The following LMF1 variants were observed in gnomAD, a reference collection of about 807,000 sequenced individuals.
LMF1 encodes lipase maturation factor 1.
Under a neutral mutation model 60.6 loss-of-function variants are expected in LMF1, and 68 were observed. The observed-to-expected ratio is 1.12, with a 90% CI of 0.92 to 1.37. The LOEUF (loss-of-function observed/expected upper bound fraction) is 1.37, where lower values mean the gene tolerates loss of function less well. Among genes scored for constraint, LMF1 ranks in the 40% most tolerant of loss-of-function variants. The pLI is 0.00. For missense variants in LMF1, 948 were observed against 767.2 expected (o/e 1.24, Z -2.78); for synonymous variants, 418 against 324.7 (o/e 1.29, Z -3.09).
chr16:939,643 C>T (rs554238872), intron 2 of LMF1, among the ~76,000 whole-genome samples: 1 of 152,388 alleles, frequency 6.6e-6, no homozygotes, highest in South Asian at 2.1e-4. Context: ...CGGCCTCTGC[C>T]TCTGTCAGGA....
At chr16:911,239 G>A (rs933817426) in intron 3 of LMF1, 160 bp from the exon 4 acceptor site, 3 of 850,988 alleles carry the variant, frequency 3.5e-6, no homozygotes, top group Middle Eastern at 2.3e-4. Flanking sequence ...ACATCGACAC[G>A]CAAGGTCAGG....
At chr16:952,312 C>CT (rs200111186) in intron 2 of LMF1, among the ~76,000 whole-genome samples, 81 of 151,144 alleles carry the variant, frequency 5.4e-4, no homozygotes, top group African/African-American at 1.9e-3. Context: ...GTGGGGACCC[C>CT]CCCCCACAGG....
chr16:944,908 CTT>C (rs1779961581), intron 2 of LMF1, among the ~76,000 whole-genome samples: 1 of 125,890 alleles, frequency 7.9e-6, no homozygotes, highest in Non-Finnish European at 1.6e-5. Context: ...ATACATATCT[CTT>C]GTTAGGTTAA....
chr16:881,891 C>T (rs180980585), intron 5 of LMF1, among the ~76,000 whole-genome samples: 1 of 152,148 alleles, frequency 6.6e-6, no homozygotes, highest in Non-Finnish European at 1.5e-5. Flanking sequence ...GGGCTGCTGA[C>T]GTGTGTCGGC....
intron 10 of LMF1, chr16:855,420 T>G (rs1365408026): frequency 5.7e-6 from 2 of 350,564 alleles, no homozygotes; most frequent in African/African-American, 4.3e-5. Context: ...CAGGCCTGGT[T>G]TAGGCCATAC....
chr16:970,917 AC>A lies in LMF1; in HGVS notation c.63del (p.Tyr22ThrfsTer30). 1 of 1,578,488 alleles carries A rather than the reference AC, an allele frequency of 6.3e-7. No homozygotes were observed. Among genetic ancestry groups the A allele is most frequent in the South Asian group, 1.2e-5 (1 of 86,832 alleles). On this transcript the variant is annotated frameshift_variant, in exon 1 of 11. Transcript: ENST00000262301. LOFTEE classifies it high-confidence loss of function. ...PAESLRRRKT[G>X]YSDPEPESPP... Reference sequence around the variant, plus strand: ...GGCGACTCAGGCTCCGGATCCGAGTACCCAGTCTTCCGCCTCCTCAGCGACT... The same window carrying A: ...GGCGACTCAGGCTCCGGATCCGAGTACCAGTCTTCCGCCTCCTCAGCGACT...
chr16:937,359 G>A lies in LMF1; in HGVS notation c.504-3105C>T, dbSNP rs5015438. On this transcript the variant is annotated intron_variant, in intron 2 of 10. Transcript: ENST00000262301. Reference sequence around the variant, plus strand: ...TTTAAAGAAACTCAAGTCCTTTCCTGGACAGTGGGACGTAGATTTTGCTTT... The same window carrying A: ...TTTAAAGAAACTCAAGTCCTTTCCTAGACAGTGGGACGTAGATTTTGCTTT... Among the ~76,000 whole-genome samples the A allele has an allele frequency of 6.6e-5, 10 of 152,268 alleles. No homozygotes were observed. The South Asian group carries it at 1.0e-3, about 16-fold the overall frequency.
rs1245982517 is a variant in LMF1 at position 897,740 on chromosome 16, T to A, written c.664-4668A>T. Among the ~76,000 whole-genome samples the A allele has an allele frequency of 6.6e-6, 1 of 152,180 alleles. No individual in the cohort carries two copies. Among genetic ancestry groups the A allele is most frequent in the Non-Finnish European group, 1.5e-5 (1 of 68,022 alleles). ...CCGTGGGCAGAGGCACTATGGGGTC[T>A]ATCAAGACCCTCTAGTCTCCATATC... On this transcript the variant is annotated intron_variant, in intron 4 of 10. Transcript: ENST00000262301. This position sits in a 1 kb window ranked among gnomAD's most constrained non-coding sequence, Gnocchi z 4.3.
rs564697770 is a variant in LMF1 at position 874,566 on chromosome 16, G to T, written c.898-3225C>A. ...TGTGCACCTCTCCAGGCAGGCAGCG[G>T]CCCCAGGGCCCCGCGGAACCCTCCG... On this transcript the variant is annotated intron_variant, in intron 6 of 10. Coordinates refer to ENST00000262301, the MANE Select transcript of LMF1 (RefSeq NM_022773.4). This position sits in a 1 kb window ranked among gnomAD's most constrained non-coding sequence, Gnocchi z 4.1. 6.6e-6 allele frequency among the ~76,000 whole-genome samples: 1 copy of T among 152,254 alleles called. No homozygotes were observed. Among genetic ancestry groups the T allele is most frequent in the Non-Finnish European group, 1.5e-5 (1 of 67,996 alleles).
intron 2 of LMF1, among the ~76,000 whole-genome samples, chr16:948,543 CAG>C (rs1439332191): frequency 1.3e-5 from 2 of 149,724 alleles, no homozygotes; most frequent in Non-Finnish European, 3.0e-5. Flanking sequence ...CAGCCAATGA[CAG>C]AGTCAGACAC....
intron 4 of LMF1, among the ~76,000 whole-genome samples, chr16:908,046 C>T (rs1200191966): frequency 1.3e-5 from 2 of 152,228 alleles, no homozygotes; most frequent in African/African-American, 4.8e-5. Context: ...CTCTGCTTCT[C>T]TCCCAGGGCT....
upstream of LMF1, among the ~76,000 whole-genome samples, chr16:975,260 A>G (rs764382205): frequency 1.3e-5 from 2 of 152,174 alleles, no homozygotes; most frequent in African/African-American, 4.8e-5. Flanking sequence ...AGTGGAAAGC[A>G]CAGCTCCCAA....
At chr16:912,013 G>A (rs1052758134) in intron 3 of LMF1, among the ~76,000 whole-genome samples, 1 of 152,162 alleles carries the variant, frequency 6.6e-6, no homozygotes, top group African/African-American at 2.4e-5. Flanking sequence ...GTGGCTGCTG[G>A]AAACTGCCCA....
intron 5 of LMF1, 44 bp from the exon 6 acceptor site, chr16:879,781 G>A (rs1295031965): frequency 1.9e-6 from 3 of 1,539,326 alleles, no homozygotes; most frequent in Non-Finnish European, 2.6e-6. Context: ...CCGATCTCGG[G>A]GGGCGGGGCT....
At chr16:883,265 T>A (rs1167549047) in intron 5 of LMF1, among the ~76,000 whole-genome samples, 1 of 82,270 alleles carries the variant, frequency 1.2e-5, no homozygotes, top group Non-Finnish European at 2.4e-5. Flanking sequence ...CCAGGAGAAA[T>A]AGGAGCTGCT....
At chr16:953,921 A>C (rs112029850) in intron 2 of LMF1, among the ~76,000 whole-genome samples, 230 of 11,472 alleles carry the variant, frequency 0.02, 51 homozygotes, top group African/African-American at 0.096. Context: ...ACCCACCCCA[A>C]ACCAGCTTCC....
intron 2 of LMF1, among the ~76,000 whole-genome samples, chr16:951,959 C>A (rs774582831): frequency 1.4e-4 from 21 of 152,232 alleles, no homozygotes; most frequent in Admixed American, 2.6e-4. Flanking sequence ...CAGCCACAAG[C>A]ATTGCACGTG....
chr16:891,188 G>C (rs36077856), intron 5 of LMF1, among the ~76,000 whole-genome samples: 54,005 of 151,868 alleles, frequency 0.36, 10,179 homozygotes, highest in African/African-American at 0.46. Context: ...GCCTCCCCAA[G>C]AGTTGCAACC....
Position 954,618 on chromosome 16 carries a change from T to C in LMF1, c.242A>G (p.Asp81Gly), listed in dbSNP as rs1456811175. ...CACTCTGCAGGGAAGCAGCCCCCTG[T>C]CACCGATGAGCTGCTTGTTCTGATG... Reference protein sequence around the residue: ...AFHQNKQLIGDRGLLPCRVFL... With the variant: ...AFHQNKQLIGGRGLLPCRVFL... The change falls in exon 2 of 11, where the codon GAC becomes GGC. Residue 81 changes from aspartate to glycine, a missense_variant. Physicochemically the swap from Asp to Gly is moderately conservative, Grantham distance 94. Coordinates refer to ENST00000262301, the MANE Select transcript of LMF1 (RefSeq NM_022773.4). The C allele has an allele frequency of 1.2e-6, 2 of 1,609,466 alleles. No individual in the cohort carries two copies. Among genetic ancestry groups the C allele is most frequent in the African/African-American group, 2.7e-5 (2 of 75,002 alleles).
Sources: allele counts gnomAD v4.1 joint callset (sites outside exome capture counted in the v4.1 genomes callset), GRCh38; gene constraint gnomAD v4.1.1; non-coding constraint Gnocchi (gnomAD v3.1); transcripts MANE v1.5; gene names NCBI Gene and HGNC (gene_info 2026-07-23, HGNC 2026-07-21).